ZFYVE16: variants seen among roughly 807,000 people sequenced by gnomAD.
The protein encoded by ZFYVE16 is zinc finger FYVE domain-containing protein 16.
Under a neutral mutation model 138.1 loss-of-function variants are expected in ZFYVE16, and 89 were observed. The ratio of observed to expected loss-of-function variants is 0.64; its 90% CI spans 0.54 to 0.77. The LOEUF (loss-of-function observed/expected upper bound fraction) is 0.77. Among genes scored for constraint, ZFYVE16 ranks in the 30% least tolerant of loss-of-function variants. The pLI is 0.00. For missense variants in ZFYVE16, 1,793 were observed against 1,786.7 expected (o/e 1.00, Z -0.06); for synonymous variants, 596 against 618.3 (o/e 0.96, Z 0.53).
chr5:80,421,026 C>T (rs1305352149), intron 1 of ZFYVE16, among the ~76,000 whole-genome samples: 3 of 152,172 alleles, frequency 2.0e-5, no homozygotes, highest in African/African-American at 4.8e-5. Flanking sequence ...TGGTTTTGAT[C>T]TGCATTTCTC....
At chr5:80,434,882 A>T (rs908789586) in intron 3 of ZFYVE16, among the ~76,000 whole-genome samples, 2 of 151,698 alleles carry the variant, frequency 1.3e-5, no homozygotes, top group East Asian at 3.9e-4. Flanking sequence ...CTTTTTTGAG[A>T]TGGAGTTTCA....
intron 17 of ZFYVE16, among the ~76,000 whole-genome samples, chr5:80,474,276 T>C (rs1303925192): frequency 6.6e-6 from 1 of 152,212 alleles, no homozygotes; most frequent in Non-Finnish European, 1.5e-5. Flanking sequence ...TTAGTCTACC[T>C]CCTTATTCCC....
intron 17 of ZFYVE16, 133 bp downstream of exon 17, chr5:80,473,992 C>A: frequency 1.6e-6 from 1 of 609,960 alleles, no homozygotes; most frequent in Non-Finnish European, 2.7e-6. Context: ...TTGAGACATA[C>A]GCATTTCCAC....
intron 15 of ZFYVE16, among the ~76,000 whole-genome samples, chr5:80,472,470 T>C (rs1000140831): frequency 6.6e-6 from 1 of 151,926 alleles, no homozygotes; most frequent in African/African-American, 2.4e-5. Flanking sequence ...AAAACAGTTA[T>C]CTCATACATT....
intron 15 of ZFYVE16, among the ~76,000 whole-genome samples, chr5:80,470,518 A>G (rs1314660446): frequency 2.0e-5 from 3 of 150,406 alleles, no homozygotes; most frequent in East Asian, 2.0e-4. Context: ...AGTAATTTCT[A>G]TTATTTTTTT....
chr5:80,419,885 T>C lies in ZFYVE16; in HGVS notation c.-93-7607T>C, dbSNP rs181446290. 7.1e-3 allele frequency among the ~76,000 whole-genome samples: 1,060 copies of C among 149,912 alleles called. 8 individuals are homozygous for C. The highest frequency in any genetic ancestry group is 9.3e-3 in the African/African-American group (377 of 40,718). On this transcript the variant is annotated intron_variant, in intron 1 of 18. Coordinates refer to ENST00000505560, the MANE Select transcript of ZFYVE16 (RefSeq NM_001284236.3). ...GGAGTGCAGTGGTGTGATCTTGGCTTACTGCAACATCCGCCTCCCGGGTTC... is the reference window on the plus strand; with the variant it reads ...GGAGTGCAGTGGTGTGATCTTGGCTCACTGCAACATCCGCCTCCCGGGTTC...
At chr5:80,429,838 G>GTTAA (rs1027998122) in intron 2 of ZFYVE16, among the ~76,000 whole-genome samples, 4 of 46,156 alleles carry the variant, frequency 8.7e-5, no homozygotes, top group African/African-American at 1.5e-4. Flanking sequence ...GATCAAAAGA[G>GTTAA]ACAAAGCCAT....
At chr5:80,443,028 T>C in intron 5 of ZFYVE16, 95 bp from the exon 6 acceptor site, 1 of 1,254,166 alleles carries the variant, frequency 8.0e-7, no homozygotes, top group Non-Finnish European at 1.1e-6. Context: ...TTCTTTCTCC[T>C]TACAACTTGA....
intron 1 of ZFYVE16, among the ~76,000 whole-genome samples, chr5:80,426,790 G>T (rs1748146902): frequency 6.6e-6 from 1 of 151,938 alleles, no homozygotes; most frequent in Non-Finnish European, 1.5e-5. Flanking sequence ...TATTCCTTTG[G>T]GTGTATACCA....
chr5:80,432,308 A>G lies in ZFYVE16; in HGVS notation c.-39-1801A>G, dbSNP rs1749165948. Among the ~76,000 whole-genome samples, 5 of 152,352 alleles carry G rather than the reference A, an allele frequency of 3.3e-5. No homozygotes were observed. The South Asian group carries it at 1.0e-3, about 32-fold the overall frequency. On this transcript the variant is annotated intron_variant, in intron 2 of 18. Coordinates refer to ENST00000505560, the MANE Select transcript of ZFYVE16 (RefSeq NM_001284236.3). Reference sequence around the variant, plus strand: ...CATCTACAACCATCTGATCTTTGACAAACCTGACAAAAACAAGAAATGGGG... The same window carrying G: ...CATCTACAACCATCTGATCTTTGACGAACCTGACAAAAACAAGAAATGGGG...
intron 15 of ZFYVE16, among the ~76,000 whole-genome samples, chr5:80,461,523 A>G (rs984419321): frequency 3.9e-5 from 6 of 152,216 alleles, no homozygotes; most frequent in Non-Finnish European, 5.9e-5. Flanking sequence ...AGTAGCGTAA[A>G]AAGCATAAAT....
chr5:80,437,217 A>G lies in ZFYVE16; in HGVS notation c.532A>G (p.Thr178Ala), dbSNP rs748197009. Residue 178 changes from threonine to alanine, a missense_variant, in exon 4 of 19, where the codon ACA (threonine) becomes GCA (alanine). This residue lies in a region of ZFYVE16 where 1,295 missense variants were observed against 1,204.3 expected (regional missense o/e 1.08). Transcript: ENST00000505560. ...SVSDTPCVSS[T>A]DHDSDTVREQ... The stretch of plus-strand genomic sequence containing the variant: ...GTCAGATACTCCCTGTGTTTCTTCA[A>G]CAGACCATGATAGTGATACTGTCAG... 4 of 1,613,946 alleles carry G rather than the reference A, an allele frequency of 2.5e-6. No individual in the cohort carries two copies. The highest frequency in any genetic ancestry group is 1.7e-5 in the Admixed American group (1 of 59,998).
intron 2 of ZFYVE16, among the ~76,000 whole-genome samples, chr5:80,432,482 C>A (rs2112322666): frequency 6.6e-6 from 1 of 152,140 alleles, no homozygotes; most frequent in Admixed American, 6.5e-5. Flanking sequence ...CTATAAAAAC[C>A]CTAGAAGAAA....
chr5:80,445,510 G>A, intron 7 of ZFYVE16, 105 bp downstream of exon 7: 2 of 1,034,302 alleles, frequency 1.9e-6, no homozygotes, highest in Non-Finnish European at 1.4e-6. Flanking sequence ...AACACTTTGA[G>A]CTTCCTAAAA....
At position 80,456,500 on chromosome 5, in the gene ZFYVE16, C is replaced by A; in HGVS notation, c.3730C>A (p.Gln1244Lys). ...NYQYTLHNID[Q>K]LLIHMEMGKS... ...CCAGTATACCTTGCATAATATAGAT[C>A]AACTGTTGATTCATATGGAAATGGG... The change falls in exon 13 of 19, where the codon CAA (glutamine) becomes AAA (lysine). Residue 1244 changes from glutamine (Q) to lysine (K), a missense_variant. Coordinates refer to ENST00000505560, the MANE Select transcript of ZFYVE16 (RefSeq NM_001284236.3). 6.2e-7 allele frequency: 1 copy of A among 1,612,934 alleles called. No homozygotes were observed. The highest frequency in any genetic ancestry group is 1.1e-5 in the South Asian group (1 of 90,980).
chr5:80,416,547 G>A lies in ZFYVE16; in HGVS notation c.-94+8394G>A, dbSNP rs181756105. ...TGGGATTACAGGCGAGAGACACTGC[G>A]CCCAGCCGATTTTTTTTTTTTTTTT... is the stretch of plus-strand genomic sequence containing the variant. On this transcript the variant is annotated intron_variant, in intron 1 of 18. Transcript: ENST00000505560. Among the ~76,000 whole-genome samples the A allele has an allele frequency of 2.1e-3, 235 of 112,052 alleles. 1 individual carries two copies. Among genetic ancestry groups the A allele is most frequent in the South Asian group, 3.5e-3 (11 of 3,180 alleles). The allele number at this position is 112,052 out of a possible 152,430, so 73.5% of individuals were successfully genotyped here.
rs948052727 is a variant in ZFYVE16 at position 80,408,160 on chromosome 5, G to GC, written c.-94+13dup. 11 of 152,296 alleles carry GC rather than the reference G, an allele frequency of 7.2e-5. No individual in the cohort carries two copies. The highest frequency in any genetic ancestry group is 1.5e-4 in the Non-Finnish European group (10 of 68,102). The allele number at this position is 152,296 out of a possible 1,614,324, so 9.4% of individuals were successfully genotyped here. On this transcript the variant is annotated splice_region_variant and intron_variant, in intron 1 of 18. Coordinates refer to ENST00000505560, the MANE Select transcript of ZFYVE16 (RefSeq NM_001284236.3). ...CCGCAGGGGCTGTAGGGAGGTAAGA[G>GC]CCCCCCGTGACCGGTCGTCTCGGCC...
At chr5:80,407,612 G>A (rs1047737957), upstream of ZFYVE16, among the ~76,000 whole-genome samples, 1 of 152,204 alleles carries the variant, frequency 6.6e-6, no homozygotes, top group Non-Finnish European at 1.5e-5. Context: ...AAAAAGTTAT[G>A]TTTTCCGAGG....
At chr5:80,455,880 G>T (rs932604515) in intron 12 of ZFYVE16, 106 bp downstream of exon 12, 3 of 954,888 alleles carry the variant, frequency 3.1e-6, no homozygotes, top group African/African-American at 1.8e-5. Flanking sequence ...TGCCATATTT[G>T]GTATAATGAC....
Sources: gnomAD v4.1 joint callset for allele counts (sites outside exome capture counted in the v4.1 genomes callset) on GRCh38, gnomAD v4.1.1 for gene constraint, gnomAD v4.1.1 regional missense constraint, MANE v1.5 for transcripts, NCBI Gene and HGNC (gene_info 2026-07-23, HGNC 2026-07-21) for gene names.